Variants in FER observed in about 807,000 individuals in gnomAD.
FER encodes FER tyrosine kinase, also known as tyrosine-protein kinase Fer.
In FER, 63 loss-of-function variants were observed where a neutral mutation model predicts 111.0. The observed-to-expected ratio is 0.57, with a 90% confidence interval of 0.46 to 0.70. The LOEUF is 0.70. Among genes scored for constraint, FER ranks in the 30% least tolerant of loss-of-function variants. The pLI, the probability that FER is intolerant of heterozygous loss-of-function variation, is 0.00. For missense variants in FER, 914 were observed against 954.0 expected (o/e 0.96, Z 0.55); for synonymous variants, 327 against 313.9 (o/e 1.04, Z -0.44).
intron 10 of FER, among the ~76,000 whole-genome samples, chr5:108,938,650 G>A (rs899524487): frequency 1.3e-4 from 20 of 151,968 alleles, no homozygotes; most frequent in African/African-American, 4.3e-4. Context: ...GTTAGATAAA[G>A]AGAGAAGAGA....
intron 10 of FER, among the ~76,000 whole-genome samples, chr5:108,927,362 G>A (rs1753919358): frequency 6.8e-6 from 1 of 147,848 alleles, no homozygotes; most frequent in South Asian, 2.2e-4. Context: ...CCGGGTTCAC[G>A]CCATTGTTCT....
chr5:109,100,354 C>A, intron 16 of FER, 42 bp from the exon 17 acceptor site: 1 of 1,600,214 alleles, frequency 6.2e-7, no homozygotes, highest in Non-Finnish European at 8.5e-7. Flanking sequence ...ATGTGACTTT[C>A]ATCATAACTT....
chr5:109,068,491 T>A (rs1310948504), intron 16 of FER, among the ~76,000 whole-genome samples: 2 of 152,140 alleles, frequency 1.3e-5, no homozygotes, highest in South Asian at 4.1e-4. Flanking sequence ...GCTCTGTTAT[T>A]ACTCACTTTA....
chr5:108,894,384 T>C, intron 9 of FER: 1 of 968,710 alleles, frequency 1.0e-6, no homozygotes, highest in Non-Finnish European at 1.4e-6. Flanking sequence ...TGCTGCATCC[T>C]GTAGCAACTG....
At chr5:108,921,097 A>ATC (rs1752962867) in intron 10 of FER, among the ~76,000 whole-genome samples, 1 of 152,060 alleles carries the variant, frequency 6.6e-6, no homozygotes, top group East Asian at 1.9e-4. Flanking sequence ...TCTTTGAGAG[A>ATC]TCTCTGACTA....
chr5:109,098,740 G>A (rs77092891), intron 16 of FER, among the ~76,000 whole-genome samples: 6,719 of 151,550 alleles, frequency 0.044, 181 homozygotes, highest in South Asian at 0.083. Flanking sequence ...AACTATTTCA[G>A]TCATCATCCT....
chr5:108,918,462 TG>T (rs958603406), intron 10 of FER, among the ~76,000 whole-genome samples: 2 of 151,878 alleles, frequency 1.3e-5, no homozygotes, highest in African/African-American at 2.4e-5. Flanking sequence ...CTTAGAATAA[TG>T]GGTAGTGGAC....
chr5:108,992,908 G>A (rs527316728), intron 13 of FER, among the ~76,000 whole-genome samples: 43 of 150,906 alleles, frequency 2.8e-4, no homozygotes, highest in African/African-American at 8.8e-4. Context: ...ACGGGGCGGC[G>A]GGGCAGAGAC....
chr5:109,121,288 G>C (rs376001041), intron 17 of FER, among the ~76,000 whole-genome samples: 1 of 152,124 alleles, frequency 6.6e-6, no homozygotes. Flanking sequence ...AGTTTTCAGA[G>C]GGTTTTTATC....
At chr5:109,058,167 A>G (rs1773883625) in intron 16 of FER, among the ~76,000 whole-genome samples, 1 of 149,418 alleles carries the variant, frequency 6.7e-6, no homozygotes, top group African/African-American at 2.4e-5. Context: ...TCCTGATTTA[A>G]TAAAATTCTC....
In FER at chr5:109,187,792, A is replaced by C; in HGVS notation, c.*217A>C. 3.6e-6 allele frequency: 2 copies of C among 561,706 alleles called. No homozygotes were observed. The highest frequency in any genetic ancestry group is 6.2e-6 in the Non-Finnish European group (2 of 320,168). The allele number at this position is 561,706 out of a possible 1,614,324, so 34.8% of individuals were successfully genotyped here. On this transcript the variant is annotated 3_prime_UTR_variant, in exon 20 of 20. Coordinates refer to ENST00000281092, the MANE Select transcript of FER (RefSeq NM_005246.4). ...AGTCCTACCAAGGGCTTTCTTAGCT[A>C]ACCATAGCAATCCTACCATTTCAGG...
At position 108,897,858 on chromosome 5, in the gene FER, A is replaced by G; in HGVS notation, c.1236+10A>G. On this transcript the variant is annotated intron_variant, in intron 10 of 19. Coordinates refer to ENST00000281092, the MANE Select transcript of FER (RefSeq NM_005246.4). Reference sequence around the variant, plus strand: ...ATCAGTTACATCTATGGTAAGCTAAAGAATAATCCAATGAGAAACTTGGAA... The same window carrying G: ...ATCAGTTACATCTATGGTAAGCTAAGGAATAATCCAATGAGAAACTTGGAA... The G allele has an allele frequency of 6.3e-7, 1 of 1,585,494 alleles. No individual in the cohort carries two copies.
chr5:108,788,139 G>A (rs1165971315), intron 2 of FER, among the ~76,000 whole-genome samples: 2 of 152,154 alleles, frequency 1.3e-5, no homozygotes, highest in African/African-American at 4.8e-5. Flanking sequence ...GTGGTTCCTG[G>A]TATCTCTGAG....
rs569649904 is a variant in FER at position 108,886,175 on chromosome 5, A to G, written c.1046+2657A>G. Among the ~76,000 whole-genome samples the G allele has an allele frequency of 6.8e-4, 103 of 151,820 alleles. 1 individual carries two copies. Among genetic ancestry groups the G allele is most frequent in the African/African-American group, 2.3e-3 (95 of 41,502 alleles). The stretch of plus-strand genomic sequence containing the variant: ...GATCTTTAAGGGCTCCCTAATCTAG[A>G]AGTTATGAGATTATTTGAATTTTTG... On this transcript the variant is annotated intron_variant, in intron 9 of 19. Coordinates refer to ENST00000281092, the MANE Select transcript of FER (RefSeq NM_005246.4).
chr5:109,141,385 G>T (rs1415104113), intron 17 of FER, among the ~76,000 whole-genome samples: 1 of 152,160 alleles, frequency 6.6e-6, no homozygotes, highest in African/African-American at 2.4e-5. Context: ...TTGATTGGTG[G>T]TTCACTAAAC....
chr5:109,165,247 C>T (rs1256921267), intron 17 of FER, among the ~76,000 whole-genome samples: 1 of 152,136 alleles, frequency 6.6e-6, no homozygotes, highest in Non-Finnish European at 1.5e-5. Context: ...ACCAGGTATA[C>T]CCCTACAAGA....
At chr5:108,756,156 CAA>C (rs11341627) in intron 1 of FER, among the ~76,000 whole-genome samples, 8,982 of 121,654 alleles carry the variant, frequency 0.074, 364 homozygotes, top group South Asian at 0.14. Flanking sequence ...AACTCCATCT[CAA>C]AAAAAAAAAA....
chr5:108,917,083 A>G (rs575442715), intron 10 of FER, among the ~76,000 whole-genome samples: 74 of 152,282 alleles, frequency 4.9e-4, no homozygotes, highest in Non-Finnish European at 6.3e-4. Flanking sequence ...GTCTTTATAA[A>G]ATAATAATGA....
chr5:108,844,994 GTGTATATATATA>G (rs1561502428), intron 5 of FER, among the ~76,000 whole-genome samples: 6 of 42,636 alleles, frequency 1.4e-4, no homozygotes, highest in African/African-American at 1.5e-4. Context: ...GTGTGTGTGT[GTGTATATATATA>G]TATATATATA....
Sources: allele counts gnomAD v4.1 joint callset (sites outside exome capture counted in the v4.1 genomes callset), GRCh38; gene constraint gnomAD v4.1.1; transcripts MANE v1.5; gene names NCBI Gene and HGNC (gene_info 2026-07-23, HGNC 2026-07-21).